The following ZSWIM5 variants were observed in gnomAD, a reference collection of about 807,000 sequenced individuals.
ZSWIM5 encodes the protein zinc finger SWIM domain-containing protein 5.
ZSWIM5 carries 55 observed loss-of-function variants against 119.6 expected under a neutral mutation model. That is an observed-to-expected ratio of 0.46 (90% CI 0.37 to 0.58). ZSWIM5 has a LOEUF of 0.58. ZSWIM5 is among the 20% of genes least tolerant of loss of function. The pLI is 0.00. For missense variants in ZSWIM5, 1,193 were observed against 1,512.8 expected (o/e 0.79, Z 3.51); for synonymous variants, 537 against 606.9 (o/e 0.88, Z 1.69).
intron 11 of ZSWIM5, among the ~76,000 whole-genome samples, chr1:45,023,865 GT>G (rs1644903515): frequency 1.3e-5 from 2 of 152,144 alleles, no homozygotes; most frequent in South Asian, 4.1e-4. Flanking sequence ...CCACATCCTT[GT>G]CAGCATTTGG....
intron 1 of ZSWIM5, among the ~76,000 whole-genome samples, chr1:45,129,688 T>C (rs1003362066): frequency 6.6e-5 from 10 of 152,110 alleles, no homozygotes; most frequent in East Asian, 3.8e-4. Context: ...ATAAAGTCTT[T>C]TGAACAAATG....
intron 5 of ZSWIM5, among the ~76,000 whole-genome samples, chr1:45,044,223 G>A (rs1645033421): frequency 1.4e-5 from 2 of 143,318 alleles, no homozygotes; most frequent in South Asian, 4.6e-4. Context: ...AGAAAGAGCT[G>A]AAGCTCTGTA....
chr1:45,144,515 A>G (rs1016569452), intron 1 of ZSWIM5, among the ~76,000 whole-genome samples: 11 of 152,190 alleles, frequency 7.2e-5, no homozygotes, highest in Non-Finnish European at 1.2e-4. Flanking sequence ...TAGGCTGGAC[A>G]ACAGCGTGAG....
chr1:45,132,076 T>C (rs1424548856), intron 1 of ZSWIM5, among the ~76,000 whole-genome samples: 3 of 149,582 alleles, frequency 2.0e-5, no homozygotes, highest in Non-Finnish European at 3.0e-5. Context: ...AATTATATAA[T>C]AATATATAAT....
intron 1 of ZSWIM5, among the ~76,000 whole-genome samples, chr1:45,125,839 G>A (rs2149028945): frequency 6.6e-6 from 1 of 151,688 alleles, no homozygotes; most frequent in South Asian, 2.1e-4. Flanking sequence ...GCCAAGGCAG[G>A]AGAATCGCTT....
intron 1 of ZSWIM5, among the ~76,000 whole-genome samples, chr1:45,203,765 C>G (rs1646171381): frequency 1.3e-5 from 2 of 152,048 alleles, no homozygotes; most frequent in Non-Finnish European, 2.9e-5. Context: ...AGATGCAGAA[C>G]AGGCTATCCT....
At chr1:45,121,336 T>C (rs774163731) in intron 1 of ZSWIM5, among the ~76,000 whole-genome samples, 12 of 152,284 alleles carry the variant, frequency 7.9e-5, no homozygotes, top group Admixed American at 1.3e-4. Flanking sequence ...TACTCAACAG[T>C]CCTCTCTGTA....
At chr1:45,115,126 G>A (rs1295976316) in intron 1 of ZSWIM5, among the ~76,000 whole-genome samples, 2 of 152,166 alleles carry the variant, frequency 1.3e-5, no homozygotes, top group Non-Finnish European at 2.9e-5. Flanking sequence ...AACCGCCATC[G>A]TCATCATGGC....
chr1:45,155,686 T>C lies in ZSWIM5; in HGVS notation c.595+50070A>G, dbSNP rs564643950. Among the ~76,000 whole-genome samples the C allele has an allele frequency of 5.3e-5, 8 of 152,248 alleles. No homozygotes were observed. The South Asian group carries it at 1.5e-3, about 28-fold the overall frequency. ...AAGAAACTGTAGTATATACATAAGA[T>C]GGAATACACGCAGCCATAAAAAGGA... On this transcript the variant is annotated intron_variant, in intron 1 of 13. Coordinates refer to ENST00000359600, the MANE Select transcript of ZSWIM5 (RefSeq NM_020883.2).
Position 45,177,677 on chromosome 1 carries a change from T to C in ZSWIM5, c.595+28079A>G, listed in dbSNP as rs564411505. Among the ~76,000 whole-genome samples the C allele has an allele frequency of 3.5e-4, 53 of 152,186 alleles. No homozygotes were observed. In the East Asian group the frequency reaches 9.6e-3, roughly 28 times the overall value. On this transcript the variant is annotated intron_variant, in intron 1 of 13. Coordinates refer to ENST00000359600, the MANE Select transcript of ZSWIM5 (RefSeq NM_020883.2). ...CAGTAACCAGCTCTATGACACATCC[T>C]TATGTTGCCTTACCCTCCTTCCCTG... is the stretch of plus-strand genomic sequence containing the variant.
intron 1 of ZSWIM5, among the ~76,000 whole-genome samples, chr1:45,133,802 G>A (rs1235732391): frequency 1.3e-5 from 2 of 152,010 alleles, no homozygotes; most frequent in East Asian, 3.9e-4. Context: ...GTGTAAGGAA[G>A]GGATCCAGTT....
intron 1 of ZSWIM5, among the ~76,000 whole-genome samples, chr1:45,136,024 C>T (rs1645687069): frequency 6.6e-6 from 1 of 152,098 alleles, no homozygotes; most frequent in Admixed American, 6.6e-5. Flanking sequence ...TCACGCCTGG[C>T]TAATTTTTCT....
chr1:45,154,541 T>A (rs1387381635), intron 1 of ZSWIM5, among the ~76,000 whole-genome samples: 1 of 152,062 alleles, frequency 6.6e-6, no homozygotes, highest in Non-Finnish European at 1.5e-5. Flanking sequence ...ACAAGCCACA[T>A]GTAGGAGAAT....
Position 45,019,991 on chromosome 1 carries a change from GATTGATTGT to G in ZSWIM5, c.2695+66_2695+74del. ...CTCATAGGAATATGAGAGCTCTAAG[GATTGATTGT>G]CCTGTCCCAAGAGTAGGGCCTAGAA... On this transcript the variant is annotated intron_variant, in intron 13 of 13. Transcript: ENST00000359600. The surrounding 1 kb of genome is among the most constrained non-coding windows in gnomAD (Gnocchi z 5.0). 6.3e-6 allele frequency: 8 copies of G among 1,275,900 alleles called. No individual in the cohort carries two copies. The highest frequency in any genetic ancestry group is 9.1e-6 in the Non-Finnish European group (8 of 880,340). 79.0% of individuals were successfully genotyped at this position (1,275,900 alleles called of 1,614,324 possible). A position where few individuals can be genotyped will look rare whatever the true frequency, so the allele number is the denominator to read the frequency against.
At chr1:45,027,478 A>G (rs1398263442) in intron 11 of ZSWIM5, among the ~76,000 whole-genome samples, 1 of 151,498 alleles carries the variant, frequency 6.6e-6, no homozygotes, top group East Asian at 1.9e-4. Flanking sequence ...GCTCACTGCA[A>G]CCTCTGCCTC....
intron 1 of ZSWIM5, among the ~76,000 whole-genome samples, chr1:45,122,522 A>T (rs1645598816): frequency 6.6e-6 from 1 of 152,110 alleles, no homozygotes; most frequent in African/African-American, 2.4e-5. Flanking sequence ...CAAACATAAA[A>T]AGACTCTGAA....
chr1:45,143,171 CAA>C (rs60638239), intron 1 of ZSWIM5, among the ~76,000 whole-genome samples: 3 of 60,598 alleles, frequency 5.0e-5, no homozygotes, highest in Non-Finnish European at 6.5e-5. Flanking sequence ...GACTCTGTCT[CAA>C]AAAAAAAAAA....
chr1:45,163,660 G>T (rs970840652), intron 1 of ZSWIM5, among the ~76,000 whole-genome samples: 1 of 152,284 alleles, frequency 6.6e-6, no homozygotes, highest in South Asian at 2.1e-4. Flanking sequence ...ACCATGGCAC[G>T]AGAACTATGT....
intron 5 of ZSWIM5, among the ~76,000 whole-genome samples, chr1:45,045,259 T>A (rs1645047361): frequency 6.6e-6 from 1 of 152,140 alleles, no homozygotes; most frequent in Non-Finnish European, 1.5e-5. Flanking sequence ...GTCATTTAAC[T>A]GATGCTTTGC....
Sources: gnomAD v4.1 joint callset for allele counts (sites outside exome capture counted in the v4.1 genomes callset) on GRCh38, gnomAD v4.1.1 for gene constraint, Gnocchi (gnomAD v3.1) non-coding constraint, MANE v1.5 for transcripts, NCBI Gene and HGNC (gene_info 2026-07-23, HGNC 2026-07-21) for gene names.